Variants in IL1RAPL1 observed in about 807,000 individuals in gnomAD.
IL1RAPL1 encodes interleukin 1 receptor accessory protein like 1.
Under a neutral mutation model 48.4 loss-of-function variants are expected in IL1RAPL1, and 3 were observed. The ratio of observed to expected loss-of-function variants is 0.06; its 90% confidence interval spans 0.03 to 0.16. The LOEUF is 0.16. Ranked by LOEUF, IL1RAPL1 falls within the 10% of genes least tolerant of loss-of-function variation. The probability of loss-of-function intolerance (pLI) is 1.00; values close to 1 mark genes in which losing one functional copy is unlikely to be tolerated. For synonymous variants in IL1RAPL1, 185 were observed against 187.7 expected (o/e 0.99, Z 0.12); for missense variants, 349 against 530.6 (o/e 0.66, Z 3.36).
intron 2 of IL1RAPL1, among the ~76,000 whole-genome samples, chrX:28,841,495 T>G (rs1921370631): frequency 9.0e-6 from 1 of 111,043 alleles, no homozygotes; most frequent in African/African-American, 3.3e-5. Context: ...TTACTAAGAA[T>G]ACATTGCCTA....
chrX:28,599,312 C>T (rs1370091806), intron 1 of IL1RAPL1, among the ~76,000 whole-genome samples: 1 of 109,614 alleles, frequency 9.1e-6, no homozygotes, highest in Non-Finnish European at 1.9e-5. Context: ...GGGAGGGCTT[C>T]AGCAGAAACC....
intron 5 of IL1RAPL1, among the ~76,000 whole-genome samples, chrX:29,485,017 T>G (rs1410798421): frequency 8.9e-6 from 1 of 111,936 alleles, no homozygotes; most frequent in African/African-American, 3.2e-5. Flanking sequence ...AACCATTGTG[T>G]AAGCGTTTTC....
intron 1 of IL1RAPL1, among the ~76,000 whole-genome samples, chrX:28,631,593 A>G (rs1934402235): frequency 8.9e-6 from 1 of 112,350 alleles, no homozygotes; most frequent in Non-Finnish European, 1.9e-5. Flanking sequence ...TTGTAGTGCT[A>G]CTAAGTAAAA....
intron 5 of IL1RAPL1, among the ~76,000 whole-genome samples, chrX:29,527,973 T>A (rs770771784): frequency 3.6e-5 from 4 of 111,996 alleles, no homozygotes; most frequent in Non-Finnish European, 5.6e-5. Context: ...TTCTCACCCA[T>A]CAGATTGGCA....
At chrX:28,897,616 G>A (rs1017168222) in intron 2 of IL1RAPL1, among the ~76,000 whole-genome samples, 15 of 112,095 alleles carry the variant, frequency 1.3e-4, no homozygotes, top group Admixed American at 3.8e-4. Flanking sequence ...ACCAGAGGTC[G>A]TAGGTGGATC....
intron 5 of IL1RAPL1, among the ~76,000 whole-genome samples, chrX:29,467,468 G>T (rs1219909903): frequency 2.7e-5 from 3 of 112,499 alleles, no homozygotes; most frequent in Admixed American, 9.4e-5. Context: ...TTGCGAAGGG[G>T]TCGCTCACTT....
intron 2 of IL1RAPL1, among the ~76,000 whole-genome samples, chrX:29,108,445 G>A (rs1425201272): frequency 9.0e-6 from 1 of 110,629 alleles, no homozygotes; most frequent in Admixed American, 9.7e-5. Context: ...CTTCTTGCCC[G>A]GGCTGGAATG....
intron 5 of IL1RAPL1, among the ~76,000 whole-genome samples, chrX:29,502,975 C>G (rs1367757791): frequency 9.0e-6 from 1 of 111,468 alleles, no homozygotes; most frequent in Non-Finnish European, 1.9e-5. Context: ...GCTTTGATCT[C>G]ATTACCAGTT....
chrX:29,531,194 A>G (rs1323506332), intron 5 of IL1RAPL1, among the ~76,000 whole-genome samples: 2 of 110,586 alleles, frequency 1.8e-5, no homozygotes, highest in Non-Finnish European at 3.8e-5. Flanking sequence ...GCCATTGAAG[A>G]CTCAGAACAA....
chrX:29,444,705 T>C (rs1934591652), intron 5 of IL1RAPL1, among the ~76,000 whole-genome samples: 1 of 111,967 alleles, frequency 8.9e-6, no homozygotes, highest in Non-Finnish European at 1.9e-5. Flanking sequence ...TTTATATTGA[T>C]GCAGTTTATT....
intron 2 of IL1RAPL1, among the ~76,000 whole-genome samples, chrX:29,183,233 T>G (rs191531302): frequency 1.8e-5 from 2 of 111,397 alleles, no homozygotes; most frequent in Non-Finnish European, 3.8e-5. Flanking sequence ...CCTGTGGAGA[T>G]GTACTACTCT....
In IL1RAPL1 at chrX:28,712,097, A is replaced by G. The variant is rs180917107; in HGVS notation, c.-24-77223A>G. On this transcript the variant is annotated intron_variant, in intron 1 of 10. Transcript: ENST00000378993. ...GATGCCATGAAACCATATGAGGAAC[A>G]TTAAACTAGAAAGTCTGATGAATTG... Among the ~76,000 whole-genome samples the G allele has an allele frequency of 1.6e-3, 176 of 111,590 alleles. 1 individual carries two copies. The highest frequency in any genetic ancestry group is 5.6e-3 in the African/African-American group (173 of 30,728).
intron 2 of IL1RAPL1, among the ~76,000 whole-genome samples, chrX:28,853,087 A>G (rs773034928): frequency 2.8e-5 from 3 of 108,077 alleles, no homozygotes; most frequent in Non-Finnish European, 3.8e-5. Context: ...ATTGATCTGG[A>G]TTTTCTAAAT....
chrX:29,627,388 C>T (rs896996300), intron 5 of IL1RAPL1, among the ~76,000 whole-genome samples: 1 of 112,419 alleles, frequency 8.9e-6, no homozygotes. Flanking sequence ...TTTCTGTTTC[C>T]TGTTCATCAT....
At chrX:29,071,447 A>G (rs756179896) in intron 2 of IL1RAPL1, among the ~76,000 whole-genome samples, 4 of 112,226 alleles carry the variant, frequency 3.6e-5, no homozygotes, top group Non-Finnish European at 7.5e-5. Context: ...GGATGTCTGC[A>G]TCTTTCCAGC....
intron 2 of IL1RAPL1, among the ~76,000 whole-genome samples, chrX:28,933,516 T>A (rs1412482456): frequency 8.9e-6 from 1 of 111,757 alleles, no homozygotes; most frequent in Non-Finnish European, 1.9e-5. Context: ...TTGTTTCCTC[T>A]TGGAAGATAA....
chrX:28,648,849 G>C (rs73545838), intron 1 of IL1RAPL1, among the ~76,000 whole-genome samples: 1 of 111,929 alleles, frequency 8.9e-6, no homozygotes, highest in African/African-American at 3.2e-5. Flanking sequence ...GAAACTCAGG[G>C]AAAGTAATGA....
intron 1 of IL1RAPL1, among the ~76,000 whole-genome samples, chrX:28,625,577 C>T (rs1301385345): frequency 1.8e-5 from 2 of 111,939 alleles, no homozygotes; most frequent in East Asian, 5.7e-4. Flanking sequence ...GCCCAGTGGG[C>T]AGAGAGCCAG....
intron 1 of IL1RAPL1, among the ~76,000 whole-genome samples, chrX:28,645,485 G>C (rs1934598327): frequency 9.0e-6 from 1 of 110,586 alleles, no homozygotes; most frequent in Non-Finnish European, 1.9e-5. Context: ...GCTGGAAAAG[G>C]AGGTTTCTCT....
Sources: allele counts gnomAD v4.1 joint callset (sites outside exome capture counted in the v4.1 genomes callset), GRCh38; gene constraint gnomAD v4.1.1; transcripts MANE v1.5; gene names NCBI Gene and HGNC (gene_info 2026-07-23, HGNC 2026-07-21).